Variants in CCDC171 observed in about 807,000 individuals in gnomAD.
CCDC171 encodes the protein coiled-coil domain containing 171.
CCDC171 carries 177 observed loss-of-function variants against 168.2 expected under a neutral mutation model. The ratio of observed to expected loss-of-function variants is 1.05; its 90% confidence interval spans 0.93 to 1.19. The LOEUF is 1.19. Ranked by LOEUF, CCDC171 falls within the 50% of genes most tolerant of loss-of-function variation. The pLI is 0.00. For synonymous variants in CCDC171, 687 were observed against 540.8 expected, an observed-to-expected ratio of 1.27 and a Z score of -3.75; for missense variants, 1,991 against 1,539.0, an observed-to-expected ratio of 1.29 and a Z score of -4.91.
At chr9:16,078,541 C>G in the CCDC171 span, among the ~76,000 whole-genome samples, 1 of 152,150 alleles carries the variant, frequency 6.6e-6, no homozygotes, top group East Asian at 1.9e-4. Context: ...TCTATCAACT[C>G]TGGAAGTTTT....
At chr9:15,648,311 G>GGAA (rs2132704907) in intron 7 of CCDC171, among the ~76,000 whole-genome samples, 1 of 152,248 alleles carries the variant, frequency 6.6e-6, no homozygotes, top group African/African-American at 2.4e-5. Context: ...AGCAAAAACT[G>GGAA]GAAGCATTCC....
the CCDC171 span, among the ~76,000 whole-genome samples, chr9:16,090,052 C>T: frequency 6.6e-6 from 1 of 152,130 alleles, no homozygotes; most frequent in African/African-American, 2.4e-5. Flanking sequence ...CCGTTTGACC[C>T]AGCAATCTCA....
At chr9:15,899,270 G>A (rs1181440121) in intron 24 of CCDC171, among the ~76,000 whole-genome samples, 2 of 152,050 alleles carry the variant, frequency 1.3e-5, no homozygotes, top group African/African-American at 2.4e-5. Context: ...TCTGGATTTC[G>A]GCTATTACAT....
chr9:16,061,684 C>G (rs908047813), downstream of CCDC171: 1 of 152,146 alleles, frequency 6.6e-6, no homozygotes, highest in African/African-American at 2.4e-5. Flanking sequence ...GTGCAAAGAA[C>G]TATGCTAAGC....
chr9:15,797,862 A>G (rs999327944), intron 21 of CCDC171, among the ~76,000 whole-genome samples: 3 of 152,196 alleles, frequency 2.0e-5, no homozygotes, highest in African/African-American at 7.2e-5. Flanking sequence ...CCAAATAAAT[A>G]TTAAGTTATT....
chr9:16,065,433 T>C (rs79688105), downstream of CCDC171, among the ~76,000 whole-genome samples: 1 of 152,242 alleles, frequency 6.6e-6, no homozygotes, highest in African/African-American at 2.4e-5. Flanking sequence ...CTCTTCCTGA[T>C]GAGCTGGTTC....
At chr9:15,897,791 A>G (rs1399207809) in intron 24 of CCDC171, among the ~76,000 whole-genome samples, 1 of 152,230 alleles carries the variant, frequency 6.6e-6, no homozygotes, top group Admixed American at 6.5e-5. Context: ...GAAAGCCTGG[A>G]TTAAGTCTAC....
chr9:15,799,673 T>C (rs989397371), intron 21 of CCDC171, among the ~76,000 whole-genome samples: 7 of 152,106 alleles, frequency 4.6e-5, no homozygotes, highest in Admixed American at 2.6e-4. Context: ...TGTTATTGAC[T>C]GTAGCCACCT....
At chr9:15,757,966 A>G (rs375368456) in intron 18 of CCDC171, among the ~76,000 whole-genome samples, 63 of 152,308 alleles carry the variant, frequency 4.1e-4, no homozygotes, top group African/African-American at 1.5e-3. Flanking sequence ...CCCAGGCAGA[A>G]GTTTGCTACA....
At chr9:15,653,951 A>G (rs921834007) in intron 7 of CCDC171, among the ~76,000 whole-genome samples, 1 of 152,284 alleles carries the variant, frequency 6.6e-6, no homozygotes, top group East Asian at 1.9e-4. Flanking sequence ...ACACCTAAAA[A>G]GTAATAATAA....
intron 16 of CCDC171, 95 bp from the exon 17 acceptor site, chr9:15,744,178 G>T: frequency 3.1e-6 from 3 of 975,314 alleles, no homozygotes; most frequent in Non-Finnish European, 4.4e-6. Flanking sequence ...GGAAGAAGTG[G>T]TTGTCAGCAA....
intron 7 of CCDC171, among the ~76,000 whole-genome samples, chr9:15,642,457 A>G (rs1280385302): frequency 6.7e-6 from 1 of 149,870 alleles, no homozygotes; most frequent in Non-Finnish European, 1.5e-5. Flanking sequence ...ATGCCTATGA[A>G]ACAGTTTATG....
chr9:15,576,837 C>T (rs2040708534), intron 3 of CCDC171, among the ~76,000 whole-genome samples: 1 of 152,306 alleles, frequency 6.6e-6, no homozygotes, highest in South Asian at 2.1e-4. Context: ...CTGTAGCATA[C>T]TGAGATCTGA....
At chr9:15,897,307 G>A (rs1821037519) in intron 24 of CCDC171, among the ~76,000 whole-genome samples, 1 of 151,738 alleles carries the variant, frequency 6.6e-6, no homozygotes, top group African/African-American at 2.4e-5. Flanking sequence ...CATCTATTGT[G>A]TGGATAATAG....
At chr9:15,965,805 G>GT (rs1306060866) in intron 25 of CCDC171, among the ~76,000 whole-genome samples, 1 of 152,176 alleles carries the variant, frequency 6.6e-6, no homozygotes, top group Non-Finnish European at 1.5e-5. Context: ...CACAGGTTAA[G>GT]TAACTTGTCA....
At chr9:15,895,789 A>C (rs1050303570) in intron 24 of CCDC171, among the ~76,000 whole-genome samples, 2 of 152,092 alleles carry the variant, frequency 1.3e-5, no homozygotes, top group African/African-American at 4.8e-5. Context: ...CAACACATTA[A>C]TAAAGCCAGT....
chr9:15,641,461 A>G (rs1304555370), intron 7 of CCDC171, among the ~76,000 whole-genome samples: 1 of 152,218 alleles, frequency 6.6e-6, no homozygotes, highest in African/African-American at 2.4e-5. Context: ...CATTGTACAC[A>G]TATGTTTTCA....
At chr9:15,634,986 T>TA (rs1256463972) in intron 7 of CCDC171, among the ~76,000 whole-genome samples, 1 of 152,230 alleles carries the variant, frequency 6.6e-6, no homozygotes, top group African/African-American at 2.4e-5. Context: ...CATTCTTTTT[T>TA]ATGCCTGAAT....
chr9:15,571,678 G>A lies in CCDC171; in HGVS notation c.96G>A (p.Leu32=). The A allele has an allele frequency of 6.3e-7, 1 of 1,575,944 alleles. No individual in the cohort carries two copies. The highest frequency in any genetic ancestry group is 2.3e-5 in the East Asian group (1 of 42,948). The stretch of plus-strand genomic sequence containing the variant: ...AAATACTTAAAAATGAAACAGAGTT[G>A]GATATTACTGATAATCTCAGGAAGA... ...VKQILKNETE[L]DITDNLRKKL... The change falls in exon 3 of 26, where the codon TTG becomes TTA. Residue 32 remains leucine (L), a synonymous_variant. Transcript: ENST00000380701.
Sources: gnomAD v4.1 joint callset for allele counts (sites outside exome capture counted in the v4.1 genomes callset) on GRCh38, gnomAD v4.1.1 for gene constraint, MANE v1.5 for transcripts, NCBI Gene and HGNC (gene_info 2026-07-23, HGNC 2026-07-21) for gene names.